The following SOX5 variants were observed in gnomAD, a reference collection of about 807,000 sequenced individuals.
SOX5 encodes the protein SRY-box transcription factor 5.
SOX5 carries 9 observed loss-of-function variants against 92.0 expected under a neutral mutation model. That is an observed-to-expected ratio of 0.10 (90% CI 0.06 to 0.17). The LOEUF is 0.17. Among genes scored for constraint, SOX5 ranks in the 10% least tolerant of loss-of-function variants. The pLI is 1.00. For synonymous variants in SOX5, 344 were observed against 336.3 expected (o/e 1.02, Z -0.25); for missense variants, 642 against 944.5 (o/e 0.68, Z 4.20).
intron 3 of SOX5, among the ~76,000 whole-genome samples, chr12:23,765,742 T>G (rs1004781581): frequency 1.3e-5 from 2 of 152,198 alleles, no homozygotes; most frequent in Non-Finnish European, 2.9e-5. Flanking sequence ...ACTTTATTTA[T>G]GGATACTGCC....
At chr12:23,847,785 T>C (rs1053976222) in intron 2 of SOX5, among the ~76,000 whole-genome samples, 1 of 152,070 alleles carries the variant, frequency 6.6e-6, no homozygotes, top group African/African-American at 2.4e-5. Context: ...ATGCCTTGAG[T>C]GAATATTTTA....
Position 23,838,068 on chromosome 12 carries a change from ATTATATT to A in SOX5, c.481+7908_481+7914del, listed in dbSNP as rs1446515637. 9.5e-4 allele frequency among the ~76,000 whole-genome samples: 29 copies of A among 30,574 alleles called. No individual in the cohort carries two copies. In the South Asian group the frequency reaches 0.02, roughly 22 times the overall value. The allele number at this position is 30,574 out of a possible 152,430, so 20.1% of individuals were successfully genotyped here. ...ATAATATATATTTATACTTATATAT[ATTATATT>A]TATATTTATATATATTTATACTTAT... On this transcript the variant is annotated intron_variant, in intron 3 of 14. Transcript: ENST00000451604.
chr12:24,543,718 G>T (rs1952355033), intron 1 of SOX5, among the ~76,000 whole-genome samples: 1 of 152,126 alleles, frequency 6.6e-6, no homozygotes, highest in Non-Finnish European at 1.5e-5. Context: ...GTATGCAAAT[G>T]CAAATAGTTA....
intron 3 of SOX5, among the ~76,000 whole-genome samples, chr12:24,252,014 G>GT (rs1940176442): frequency 1.3e-5 from 2 of 150,674 alleles, no homozygotes; most frequent in Admixed American, 1.3e-4. Flanking sequence ...GCCAGCTTAA[G>GT]TTTAATATTT....
At chr12:23,839,282 A>C (rs1313533943) in intron 3 of SOX5, among the ~76,000 whole-genome samples, 5 of 152,070 alleles carry the variant, frequency 3.3e-5, no homozygotes, top group Non-Finnish European at 7.4e-5. Flanking sequence ...CTATGTATCC[A>C]CTTAGAAATC....
At chr12:24,054,599 G>T (rs1298755129) in intron 4 of SOX5, among the ~76,000 whole-genome samples, 2 of 152,118 alleles carry the variant, frequency 1.3e-5, no homozygotes, top group African/African-American at 4.8e-5. Flanking sequence ...TGTGCCAATT[G>T]CTCTGTCTGT....
intron 4 of SOX5, among the ~76,000 whole-genome samples, chr12:24,022,952 T>C (rs1430037543): frequency 1.8e-4 from 27 of 151,856 alleles, no homozygotes; most frequent in Admixed American, 1.7e-3. Flanking sequence ...CTTTCCTCCT[T>C]AAAATTTTAT....
chr12:24,119,659 A>G (rs1721903929), intron 4 of SOX5, among the ~76,000 whole-genome samples: 1 of 152,136 alleles, frequency 6.6e-6, no homozygotes, highest in Admixed American at 6.5e-5. Context: ...ATTGAATTTT[A>G]CAAACCTATT....
intron 1 of SOX5, among the ~76,000 whole-genome samples, chr12:24,534,868 G>C (rs951155407): frequency 6.6e-6 from 1 of 152,220 alleles, no homozygotes; most frequent in Non-Finnish European, 1.5e-5. Context: ...GAGGGGATGC[G>C]AGGGCTGGCC....
chr12:23,731,693 C>T (rs1371562556), intron 6 of SOX5, among the ~76,000 whole-genome samples: 1 of 152,146 alleles, frequency 6.6e-6, no homozygotes, highest in Non-Finnish European at 1.5e-5. Context: ...CAATCGAATT[C>T]ACACAGCAGA....
chr12:24,042,078 GATTA>G (rs1413052981), intron 4 of SOX5, among the ~76,000 whole-genome samples: 2 of 152,002 alleles, frequency 1.3e-5, no homozygotes, highest in African/African-American at 4.8e-5. Context: ...ATAGACCAAA[GATTA>G]ATCAATACCT....
Position 23,727,000 on chromosome 12 carries a change from T to C in SOX5, c.810+7684A>G, listed in dbSNP as rs538957795. Among the ~76,000 whole-genome samples the C allele has an allele frequency of 1.2e-4, 19 of 152,194 alleles. No individual in the cohort carries two copies. In the South Asian group the frequency reaches 3.1e-3, roughly 25 times the overall value. On this transcript the variant is annotated intron_variant, in intron 6 of 14. Coordinates refer to ENST00000451604, the MANE Select transcript of SOX5 (RefSeq NM_006940.6). ...CCAGGATTCACTTCAGAAATCATAC[T>C]GCAAAGATTGTAGAAGAAAGAAACA...
chr12:24,152,227 G>T (rs181977158), intron 4 of SOX5, among the ~76,000 whole-genome samples: 1 of 152,132 alleles, frequency 6.6e-6, no homozygotes, highest in African/African-American at 2.4e-5. Context: ...AGAGTTCAAA[G>T]ATTTTTGTTC....
intron 10 of SOX5, among the ~76,000 whole-genome samples, chr12:23,574,601 ATTCTTG>A (rs1245135667): frequency 6.6e-6 from 1 of 152,148 alleles, no homozygotes; most frequent in African/African-American, 2.4e-5. Context: ...CATGTAACTT[ATTCTTG>A]TCCTACATGT....
At chr12:23,544,431 G>T (rs528722762) in intron 12 of SOX5, among the ~76,000 whole-genome samples, 63 of 151,966 alleles carry the variant, frequency 4.1e-4, no homozygotes, top group Non-Finnish European at 8.2e-4. Context: ...AATACTTTGG[G>T]GACTTGTAGA....
In SOX5 at chr12:23,846,202, G is replaced by A; in HGVS notation, c.271-9C>T. 3.7e-6 allele frequency: 6 copies of A among 1,603,232 alleles called. No homozygotes were observed. The highest frequency in any genetic ancestry group is 5.1e-6 in the Non-Finnish European group (6 of 1,170,234). On this transcript the variant is annotated splice_polypyrimidine_tract_variant and intron_variant, in intron 2 of 14. Coordinates refer to ENST00000451604, the MANE Select transcript of SOX5 (RefSeq NM_006940.6). ...TTATTGCCATCAACTTCCTGAAAGA[G>A]AAAGCAAAATGACAAATAATTGTTT...
chr12:24,414,459 G>T (rs1566106448), intron 1 of SOX5, among the ~76,000 whole-genome samples: 1 of 152,128 alleles, frequency 6.6e-6, no homozygotes, highest in South Asian at 2.1e-4. Context: ...TGGGGTCCTT[G>T]GTCTGCTGCC....
intron 1 of SOX5, among the ~76,000 whole-genome samples, chr12:24,374,771 A>G (rs910678189): frequency 3.9e-5 from 6 of 152,114 alleles, no homozygotes; most frequent in Non-Finnish European, 7.4e-5. Context: ...AGCATGAATA[A>G]ATGTGACAGC....
intron 4 of SOX5, among the ~76,000 whole-genome samples, chr12:24,068,123 C>A (rs551632774): frequency 1.3e-5 from 2 of 151,954 alleles, no homozygotes; most frequent in African/African-American, 2.4e-5. Flanking sequence ...CCAGCCTGGG[C>A]GACAGAGGGA....
Sources: allele counts gnomAD v4.1 joint callset (sites outside exome capture counted in the v4.1 genomes callset), GRCh38; gene constraint gnomAD v4.1.1; transcripts MANE v1.5; gene names NCBI Gene and HGNC (gene_info 2026-07-23, HGNC 2026-07-21).